Variants in GRM5 observed in about 807,000 individuals in gnomAD.
GRM5 encodes the protein glutamate metabotropic receptor 5.
A neutral mutation model predicts 83.1 loss-of-function variants in GRM5; 19 were observed. That is an observed-to-expected ratio of 0.23 (90% confidence interval 0.16 to 0.34). GRM5 has a LOEUF of 0.34. Ranked by LOEUF, GRM5 falls within the 10% of genes least tolerant of loss-of-function variation. GRM5 has a pLI of 1.00. For missense variants in GRM5, 1,160 were observed against 1,588.3 expected (o/e 0.73, Z 4.58); for synonymous variants, 675 against 633.6 (o/e 1.07, Z -0.98).
At chr11:88,739,671 T>C (rs547032228) in intron 3 of GRM5, among the ~76,000 whole-genome samples, 10 of 152,180 alleles carry the variant, frequency 6.6e-5, no homozygotes, top group African/African-American at 2.2e-4. Context: ...TATAAGTGTT[T>C]GGCAAGTTCC....
chr11:89,023,164 T>C lies in GRM5; in HGVS notation c.661+24048A>G, dbSNP rs867707665. 1.1e-3 allele frequency among the ~76,000 whole-genome samples: 170 copies of C among 151,132 alleles called. 1 individual carries two copies. The highest frequency in any genetic ancestry group is 1.8e-3 in the East Asian group (9 of 5,120). On this transcript the variant is annotated intron_variant, in intron 2 of 9. Coordinates refer to ENST00000305447, the MANE Select transcript of GRM5 (RefSeq NM_001143831.3). Reference sequence around the variant, plus strand: ...GAGTGTGTGTGTGTGTGTGTGTGTGTGCGCGCGCGTGCACATGTGCGTTCA... The same window carrying C: ...GAGTGTGTGTGTGTGTGTGTGTGTGCGCGCGCGCGTGCACATGTGCGTTCA...
chr11:89,025,650 G>C (rs1427104832), intron 2 of GRM5, among the ~76,000 whole-genome samples: 1 of 152,114 alleles, frequency 6.6e-6, no homozygotes, highest in Non-Finnish European at 1.5e-5. Context: ...AAAATATAAA[G>C]ATAGAGAGGG....
At chr11:88,862,674 G>C (rs1246942041) in intron 2 of GRM5, among the ~76,000 whole-genome samples, 1 of 151,820 alleles carries the variant, frequency 6.6e-6, no homozygotes, top group East Asian at 1.9e-4. Context: ...TTAAGTTCTG[G>C]GACACATGTG....
intron 4 of GRM5, among the ~76,000 whole-genome samples, chr11:88,627,756 A>G (rs960734322): frequency 2.0e-5 from 3 of 152,130 alleles, no homozygotes; most frequent in South Asian, 2.1e-4. Context: ...TCACCTAACA[A>G]TAACTTCTGT....
chr11:89,046,998 A>G (rs909828437), intron 2 of GRM5, among the ~76,000 whole-genome samples: 9 of 152,184 alleles, frequency 5.9e-5, no homozygotes, highest in African/African-American at 1.7e-4. Context: ...AAACAAAATT[A>G]TATTTCACCA....
chr11:88,979,614 T>C (rs1217082651), intron 2 of GRM5, among the ~76,000 whole-genome samples: 3 of 152,188 alleles, frequency 2.0e-5, no homozygotes, highest in Admixed American at 6.5e-5. Flanking sequence ...TCTTACTATT[T>C]GTAGAAAAGC....
At chr11:88,721,683 G>T (rs548717999) in intron 3 of GRM5, among the ~76,000 whole-genome samples, 1 of 152,130 alleles carries the variant, frequency 6.6e-6, no homozygotes, top group South Asian at 2.1e-4. Flanking sequence ...TGTCACTGAT[G>T]GTTGGAAATA....
chr11:88,782,935 A>C (rs2135464996), intron 3 of GRM5, among the ~76,000 whole-genome samples: 1 of 152,254 alleles, frequency 6.6e-6, no homozygotes, highest in Admixed American at 6.6e-5. Flanking sequence ...CAAATGTATT[A>C]GTTAAAAATT....
chr11:88,808,475 G>A (rs1402423010), intron 3 of GRM5, among the ~76,000 whole-genome samples: 1 of 151,958 alleles, frequency 6.6e-6, no homozygotes, highest in Non-Finnish European at 1.5e-5. Context: ...CACTATACAG[G>A]AACAGATAAG....
chr11:88,543,900 C>T (rs752101221), intron 8 of GRM5, among the ~76,000 whole-genome samples: 31 of 152,068 alleles, frequency 2.0e-4, no homozygotes, highest in Non-Finnish European at 3.2e-4. Context: ...GTGTTGAAAA[C>T]TTAATTGCCG....
chr11:88,831,678 AC>A (rs1943997077), intron 3 of GRM5, among the ~76,000 whole-genome samples: 1 of 152,078 alleles, frequency 6.6e-6, no homozygotes, highest in Non-Finnish European at 1.5e-5. Context: ...AATTGCCACT[AC>A]CACCACAGCT....
intron 8 of GRM5, among the ~76,000 whole-genome samples, chr11:88,533,901 T>C (rs1427944309): frequency 6.6e-6 from 1 of 152,068 alleles, no homozygotes; most frequent in East Asian, 1.9e-4. Flanking sequence ...CTTGGTGCCC[T>C]GCATCCCAGC....
intron 4 of GRM5, among the ~76,000 whole-genome samples, chr11:88,608,368 T>TC (rs1435533030): frequency 6.6e-6 from 1 of 151,780 alleles, no homozygotes; most frequent in East Asian, 1.9e-4. Context: ...CATCTCTACC[T>TC]CCCCCCACCA....
chr11:88,548,392 A>G (rs925499985), intron 8 of GRM5, among the ~76,000 whole-genome samples: 3 of 152,204 alleles, frequency 2.0e-5, no homozygotes, highest in African/African-American at 7.2e-5. Flanking sequence ...AAAACATTTC[A>G]ATCAAATTTA....
intron 9 of GRM5, among the ~76,000 whole-genome samples, chr11:88,521,098 C>T (rs947167630): frequency 3.3e-5 from 5 of 152,050 alleles, no homozygotes; most frequent in African/African-American, 7.2e-5. Flanking sequence ...GTTTCTCCTT[C>T]GTGGCCTACA....
chr11:88,638,501 T>C (rs1272502834), intron 4 of GRM5, among the ~76,000 whole-genome samples: 1 of 152,116 alleles, frequency 6.6e-6, no homozygotes, highest in Non-Finnish European at 1.5e-5. Context: ...TCTTCATTGA[T>C]TGAATTAGGA....
intron 8 of GRM5, among the ~76,000 whole-genome samples, chr11:88,566,396 C>T (rs576944619): frequency 6.6e-6 from 1 of 152,228 alleles, no homozygotes; most frequent in Admixed American, 6.5e-5. Context: ...TGATATTGAA[C>T]TTGGGGTGGG....
intron 2 of GRM5, among the ~76,000 whole-genome samples, chr11:89,014,134 G>T (rs747514710): frequency 1.3e-5 from 2 of 151,988 alleles, no homozygotes; most frequent in Non-Finnish European, 2.9e-5. Flanking sequence ...ATATGTTTGT[G>T]CATGTGTCAA....
intron 2 of GRM5, among the ~76,000 whole-genome samples, chr11:88,865,571 A>C (rs1347460889): frequency 6.6e-6 from 1 of 151,888 alleles, no homozygotes; most frequent in Non-Finnish European, 1.5e-5. Context: ...GGATCTAATC[A>C]AACTAAAGAC....
Sources: gnomAD v4.1 joint callset for allele counts (sites outside exome capture counted in the v4.1 genomes callset) on GRCh38, gnomAD v4.1.1 for gene constraint, MANE v1.5 for transcripts, NCBI Gene and HGNC (gene_info 2026-07-23, HGNC 2026-07-21) for gene names.